ARF1: variants seen among roughly 807,000 people sequenced by gnomAD.
ARF1 encodes the protein ADP-ribosylation factor 1.
Under a neutral mutation model 18.0 loss-of-function variants are expected in ARF1, and 1 was observed. The observed-to-expected ratio is 0.06, with a 90% CI of 0.02 to 0.26. The LOEUF is 0.26. Ranked by LOEUF, ARF1 falls within the 10% of genes least tolerant of loss-of-function variation. The pLI is 1.00. For missense variants in ARF1, 73 were observed against 247.2 expected (o/e 0.30, Z 4.73); for synonymous variants, 112 against 96.3 (o/e 1.16, Z -0.95).
rs1326774230 is a variant in ARF1 at position 228,097,824 on chromosome 1, C to T, written c.385-28C>T. 3.7e-6 allele frequency: 6 copies of T among 1,606,770 alleles called. No individual in the cohort carries two copies. Among genetic ancestry groups the T allele is most frequent in the South Asian group, 1.1e-5 (1 of 90,096 alleles). On this transcript the variant is annotated intron_variant, in intron 4 of 4. Coordinates refer to ENST00000272102, the MANE Select transcript of ARF1 (RefSeq NM_001658.4). This position sits in a 1 kb window ranked among gnomAD's most constrained non-coding sequence, Gnocchi z 8.1. ...CCCCTTTCTCTGTCCTGTGGACAGC[C>T]CTTCCCACCAACCCTTCCTTCCCCC...
intron 1 of ARF1, among the ~76,000 whole-genome samples, chr1:228,084,264 G>T (rs1376537549): frequency 6.6e-6 from 1 of 152,268 alleles, no homozygotes; most frequent in Non-Finnish European, 1.5e-5. Context: ...GTCCAAAATT[G>T]AGAAGAATTG....
Position 228,098,040 on chromosome 1 carries a change from C to A in ARF1, c.*27C>A. The A allele has an allele frequency of 6.3e-7, 1 of 1,594,794 alleles. No homozygotes were observed. Among genetic ancestry groups the A allele is most frequent in the Non-Finnish European group, 8.6e-7 (1 of 1,168,294 alleles). Reference sequence around the variant, plus strand: ...CGCGACCCCCCTCCCTCTCACTCCTCTTGCCCTCTGCTTTACTCTCATGTG... The same window carrying A: ...CGCGACCCCCCTCCCTCTCACTCCTATTGCCCTCTGCTTTACTCTCATGTG... On this transcript the variant is annotated 3_prime_UTR_variant, in exon 5 of 5. Coordinates refer to ENST00000272102, the MANE Select transcript of ARF1 (RefSeq NM_001658.4).
In ARF1 at chr1:228,089,572, G is replaced by T. The variant is rs573214182; in HGVS notation, c.-38+6807G>T. ...TTTTTAAAATGAACGTTTCTTGAAGGCAGAAATCAAGTTTTAGGCATTGGC... is the reference window on the plus strand; with the variant it reads ...TTTTTAAAATGAACGTTTCTTGAAGTCAGAAATCAAGTTTTAGGCATTGGC... On this transcript the variant is annotated intron_variant, in intron 1 of 4. Coordinates refer to ENST00000272102, the MANE Select transcript of ARF1 (RefSeq NM_001658.4). The surrounding 1 kb of genome is among the most constrained non-coding windows in gnomAD (Gnocchi z 4.1). 5.9e-5 allele frequency among the ~76,000 whole-genome samples: 9 copies of T among 152,330 alleles called. No homozygotes were observed. In the South Asian group the frequency reaches 8.3e-4, roughly 14 times the overall value.
chr1:228,086,273 T>C (rs1297708094), intron 1 of ARF1, among the ~76,000 whole-genome samples: 3 of 152,078 alleles, frequency 2.0e-5, no homozygotes, highest in African/African-American at 4.8e-5. Context: ...CCCAGCACTT[T>C]GGGAGGCTGA....
At chr1:228,092,941 G>A (rs2124850997) in intron 1 of ARF1, among the ~76,000 whole-genome samples, 1 of 152,320 alleles carries the variant, frequency 6.6e-6, no homozygotes, top group African/African-American at 2.4e-5. Context: ...GTTCTTTGGT[G>A]TAATGCCTGA....
Position 228,097,552 on chromosome 1 carries a change from C to A in ARF1, c.260-39C>A, listed in dbSNP as rs112615324. The A allele has an allele frequency of 1.1e-3, 1,762 of 1,613,882 alleles. 19 individuals carry two copies. In the African/African-American group the frequency reaches 0.021, roughly 19 times the overall value. On this transcript the variant is annotated intron_variant, in intron 3 of 4. Transcript: ENST00000272102. This position sits in a 1 kb window ranked among gnomAD's most constrained non-coding sequence, Gnocchi z 8.1. ...GATGCCCATAGATGCGGCAGGGGGG[C>A]TGTGTTCCCATGACCATTTGACACT...
intron 1 of ARF1, among the ~76,000 whole-genome samples, chr1:228,093,145 C>T (rs890973271): frequency 3.3e-5 from 5 of 152,136 alleles, no homozygotes; most frequent in African/African-American, 1.2e-4. Flanking sequence ...AGCAGGAAGG[C>T]TCTGAGAAAG....
At chr1:228,095,679 G>A (rs992378568) in intron 1 of ARF1, among the ~76,000 whole-genome samples, 1 of 152,210 alleles carries the variant, frequency 6.6e-6, no homozygotes, top group South Asian at 2.1e-4. Flanking sequence ...AGGCGGTCCA[G>A]TTTTCTCTGC....
intron 1 of ARF1, among the ~76,000 whole-genome samples, chr1:228,096,123 C>A (rs910445713): frequency 2.6e-5 from 4 of 152,134 alleles, no homozygotes; most frequent in Admixed American, 1.3e-4. Context: ...ATTTCCTTGC[C>A]GTAGCGTGCT....
At position 228,097,769 on chromosome 1, in the gene ARF1, G is replaced by A; in HGVS notation, c.384+54G>A. 2 of 1,588,896 alleles carry A rather than the reference G, an allele frequency of 1.3e-6. No homozygotes were observed. The highest frequency in any genetic ancestry group is 1.7e-6 in the Non-Finnish European group (2 of 1,166,122). ...TGAGGAGCCAGTGTGGGTTCCGCCT[G>A]GTGGTAGGGGTTACTGGAGGCTGGT... On this transcript the variant is annotated intron_variant, in intron 4 of 4. Transcript: ENST00000272102. This position sits in a 1 kb window ranked among gnomAD's most constrained non-coding sequence, Gnocchi z 8.1.
At chr1:228,083,609 G>A (rs1029969544) in intron 1 of ARF1, 1 of 152,272 alleles carries the variant, frequency 6.6e-6, no homozygotes, top group South Asian at 2.1e-4. Flanking sequence ...TAGATAAGAA[G>A]GCCTCTTCTG....
rs1026485117 is a variant in ARF1, at chr1:228,089,895, T to G, written c.-38+7130T>G. Among the ~76,000 whole-genome samples, 4 of 152,172 alleles carry G rather than the reference T, an allele frequency of 2.6e-5. No homozygotes were observed. Among genetic ancestry groups the G allele is most frequent in the Non-Finnish European group, 5.9e-5 (4 of 68,024 alleles). On this transcript the variant is annotated intron_variant, in intron 1 of 4. Coordinates refer to ENST00000272102, the MANE Select transcript of ARF1 (RefSeq NM_001658.4). This position sits in a 1 kb window ranked among gnomAD's most constrained non-coding sequence, Gnocchi z 4.1. ...TGTGGTGAGTGTGTAGTTCAGGAAGTGAACTGGCAAAACTGAGTATCACCC... is the reference window on the plus strand; with the variant it reads ...TGTGGTGAGTGTGTAGTTCAGGAAGGGAACTGGCAAAACTGAGTATCACCC...
In ARF1 at chr1:228,098,024, C is replaced by T. The variant is rs372012030; in HGVS notation, c.*11C>T. On this transcript the variant is annotated 3_prime_UTR_variant, in exon 5 of 5. Coordinates refer to ENST00000272102, the MANE Select transcript of ARF1 (RefSeq NM_001658.4). Reference sequence around the variant, plus strand: ...CGGAACCAGAAGTGAACGCGACCCCCCTCCCTCTCACTCCTCTTGCCCTCT... The same window carrying T: ...CGGAACCAGAAGTGAACGCGACCCCTCTCCCTCTCACTCCTCTTGCCCTCT... 6.2e-7 allele frequency: 1 copy of T among 1,605,426 alleles called. No homozygotes were observed. The highest frequency in any genetic ancestry group is 8.5e-7 in the Non-Finnish European group (1 of 1,174,104).
Position 228,097,917 on chromosome 1 carries a change from C to T in ARF1, c.450C>T (p.His150=), listed in dbSNP as rs751656654. The change falls in exon 5 of 5, where the codon CAC becomes CAT. Residue 150 remains histidine, a synonymous_variant. Coordinates refer to ENST00000272102, the MANE Select transcript of ARF1 (RefSeq NM_001658.4). This position sits in a 1 kb window ranked among gnomAD's most constrained non-coding sequence, Gnocchi z 8.1. ...TDKLGLHSLR[H]RNWYIQATCA... ...AGCTGGGGCTGCACTCACTACGCCA[C>T]AGGAACTGGTACATTCAGGCCACCT... The T allele has an allele frequency of 1.2e-6, 2 of 1,614,082 alleles. No homozygotes were observed. Among genetic ancestry groups the T allele is most frequent in the African/African-American group, 2.7e-5 (2 of 74,926 alleles).
At chr1:228,084,264 GAGA>G (rs1457166081) in intron 1 of ARF1, among the ~76,000 whole-genome samples, 1 of 152,268 alleles carries the variant, frequency 6.6e-6, no homozygotes, top group Non-Finnish European at 1.5e-5. Context: ...GTCCAAAATT[GAGA>G]AGAATTGAGT....
chr1:228,098,060 C>T lies in ARF1; in HGVS notation c.*47C>T, dbSNP rs915870928. On this transcript the variant is annotated 3_prime_UTR_variant, in exon 5 of 5. Coordinates refer to ENST00000272102, the MANE Select transcript of ARF1 (RefSeq NM_001658.4). ...CTCCTCTTGCCCTCTGCTTTACTCT[C>T]ATGTGGCAAACGTGCGGCTCGTGGT... The T allele has an allele frequency of 5.2e-5, 81 of 1,562,132 alleles. No individual in the cohort carries two copies. In the Admixed American group the frequency reaches 1.4e-3, roughly 28 times the overall value.
In ARF1 at chr1:228,089,190, G is replaced by C. The variant is rs1373194214; in HGVS notation, c.-38+6425G>C. Among the ~76,000 whole-genome samples, 1 of 152,322 alleles carries C rather than the reference G, an allele frequency of 6.6e-6. No individual in the cohort carries two copies. Among genetic ancestry groups the C allele is most frequent in the Middle Eastern group, 3.4e-3 (1 of 294 alleles). ...AAGTCTTGAAGAGAAATGTGGGGTC[G>C]TTGTGTAGGGGCCACCATCACCTGG... On this transcript the variant is annotated intron_variant, in intron 1 of 4. Transcript: ENST00000272102. This position sits in a 1 kb window ranked among gnomAD's most constrained non-coding sequence, Gnocchi z 4.1.
At chr1:228,091,442 T>G (rs1246661553) in intron 1 of ARF1, among the ~76,000 whole-genome samples, 3 of 152,094 alleles carry the variant, frequency 2.0e-5, no homozygotes, top group Non-Finnish European at 4.4e-5. Context: ...ATCCTGAAAC[T>G]TGTGTAAAAA....
At chr1:228,083,787 T>A (rs142552660) in intron 1 of ARF1, among the ~76,000 whole-genome samples, 135 of 152,322 alleles carry the variant, frequency 8.9e-4, no homozygotes, top group African/African-American at 3.1e-3. Flanking sequence ...GAGTGTTAAA[T>A]AACCATTCCG....
Sources: allele counts gnomAD v4.1 joint callset (sites outside exome capture counted in the v4.1 genomes callset), GRCh38; gene constraint gnomAD v4.1.1; non-coding constraint Gnocchi (gnomAD v3.1); transcripts MANE v1.5; gene names NCBI Gene and HGNC (gene_info 2026-07-23, HGNC 2026-07-21).